NTM: variants seen among roughly 807,000 people sequenced by gnomAD.
The protein encoded by NTM is neurotrimin, also known as IgLON family member 2.
NTM carries 13 observed loss-of-function variants against 42.1 expected under a neutral mutation model. The observed-to-expected ratio is 0.31, with a 90% confidence interval of 0.20 to 0.49. The LOEUF is 0.49. Ranked by LOEUF, NTM falls within the 20% of genes least tolerant of loss-of-function variation. The pLI, the probability that NTM is intolerant of heterozygous loss-of-function variation, is 0.99. For synonymous variants in NTM, 187 were observed against 179.2 expected, an observed-to-expected ratio of 1.04 and a Z score of -0.35; for missense variants, 373 against 452.8, an observed-to-expected ratio of 0.82 and a Z score of 1.60.
At chr11:131,749,899 G>A (rs61901637) in intron 1 of NTM, among the ~76,000 whole-genome samples, 3,633 of 152,250 alleles carry the variant, frequency 0.024, 66 homozygotes, top group Non-Finnish European at 0.035. Flanking sequence ...TTATGTAGAG[G>A]ATACCAGGAC....
intron 1 of NTM, among the ~76,000 whole-genome samples, chr11:131,503,400 A>C (rs1482369503): frequency 6.6e-6 from 1 of 152,148 alleles, no homozygotes; most frequent in Admixed American, 6.5e-5. Context: ...GCAGTAATGT[A>C]AGAAGTGAGG....
chr11:131,569,193 G>C (rs1408682747), intron 1 of NTM, among the ~76,000 whole-genome samples: 4 of 149,396 alleles, frequency 2.7e-5, no homozygotes, highest in Admixed American at 2.7e-4. Context: ...CACCCAGGCT[G>C]GTGTGCAATG....
intron 2 of NTM, among the ~76,000 whole-genome samples, chr11:132,011,709 A>G (rs2072241605): frequency 6.6e-6 from 1 of 152,198 alleles, no homozygotes; most frequent in African/African-American, 2.4e-5. Context: ...CAGCTAAGTG[A>G]GCTGTAGAGC....
At chr11:131,812,793 A>G (rs2092793178) in intron 1 of NTM, among the ~76,000 whole-genome samples, 1 of 152,168 alleles carries the variant, frequency 6.6e-6, no homozygotes, top group Non-Finnish European at 1.5e-5. Context: ...AGATGACTGC[A>G]AGGAAAGAAC....
chr11:131,613,412 A>G (rs1276084760), intron 1 of NTM, among the ~76,000 whole-genome samples: 1 of 152,014 alleles, frequency 6.6e-6, no homozygotes, highest in East Asian at 1.9e-4. Context: ...TTTTTCTTCC[A>G]GCTGGTGCAA....
intron 2 of NTM, among the ~76,000 whole-genome samples, chr11:131,920,669 T>C (rs1456953089): frequency 6.6e-6 from 1 of 152,212 alleles, no homozygotes; most frequent in Non-Finnish European, 1.5e-5. Context: ...TGAAATGTTT[T>C]GGCTTAGAAA....
At chr11:131,697,677 T>G (rs567550158) in intron 1 of NTM, among the ~76,000 whole-genome samples, 1 of 152,360 alleles carries the variant, frequency 6.6e-6, no homozygotes, top group East Asian at 1.9e-4. Context: ...CAAAACTCTA[T>G]ATACTAGGAA....
intron 1 of NTM, among the ~76,000 whole-genome samples, chr11:131,601,671 AT>A (rs1449395696): frequency 6.6e-6 from 1 of 151,972 alleles, no homozygotes; most frequent in Non-Finnish European, 1.5e-5. Context: ...AAACCAATGC[AT>A]TTAATGATAC....
chr11:132,073,996 G>T (rs1057421493), intron 2 of NTM, among the ~76,000 whole-genome samples: 2 of 152,178 alleles, frequency 1.3e-5, no homozygotes, highest in Non-Finnish European at 2.9e-5. Flanking sequence ...TGTGCTAACA[G>T]GCTGCTCTCA....
chr11:131,660,042 C>T (rs536295006), intron 1 of NTM, among the ~76,000 whole-genome samples: 1 of 152,278 alleles, frequency 6.6e-6, no homozygotes, highest in East Asian at 1.9e-4. Context: ...GTAGAATGCT[C>T]AGAGCCTGGC....
At chr11:132,021,275 TGTC>T (rs1333929193) in intron 2 of NTM, among the ~76,000 whole-genome samples, 1 of 152,160 alleles carries the variant, frequency 6.6e-6, no homozygotes, top group Non-Finnish European at 1.5e-5. Context: ...ATTTTTTTGT[TGTC>T]ATATATTCCT....
At chr11:131,956,864 C>T (rs1290897030) in intron 2 of NTM, among the ~76,000 whole-genome samples, 1 of 152,116 alleles carries the variant, frequency 6.6e-6, no homozygotes, top group African/African-American at 2.4e-5. Flanking sequence ...GTGTGCAGGG[C>T]TCAGGACTGG....
At chr11:131,903,811 C>G (rs1356406362) in intron 1 of NTM, among the ~76,000 whole-genome samples, 1 of 152,174 alleles carries the variant, frequency 6.6e-6, no homozygotes, top group Non-Finnish European at 1.5e-5. Context: ...GAATTCCAGA[C>G]CCTGGATCCC....
intron 1 of NTM, among the ~76,000 whole-genome samples, chr11:131,784,670 T>C (rs1264832562): frequency 2.0e-5 from 3 of 152,130 alleles, no homozygotes; most frequent in Non-Finnish European, 4.4e-5. Flanking sequence ...GTGATTACAG[T>C]GGTGGTGACA....
At chr11:131,706,325 C>T (rs2076586273) in intron 1 of NTM, among the ~76,000 whole-genome samples, 1 of 151,782 alleles carries the variant, frequency 6.6e-6, no homozygotes, top group African/African-American at 2.4e-5. Context: ...ATTGGAGCAC[C>T]TAGATACATA....
At chr11:131,391,374 G>GC (rs1007503905) in intron 1 of NTM, among the ~76,000 whole-genome samples, 1 of 151,940 alleles carries the variant, frequency 6.6e-6, no homozygotes, top group Non-Finnish European at 1.5e-5. Flanking sequence ...GGCCCTCCCC[G>GC]CCCCACTCCT....
intron 1 of NTM, among the ~76,000 whole-genome samples, chr11:131,759,519 T>C (rs1329709670): frequency 6.6e-6 from 1 of 152,180 alleles, no homozygotes; most frequent in East Asian, 1.9e-4. Context: ...CTTCCTCCTT[T>C]TTTTTCAACT....
At chr11:131,471,607 T>A (rs1952450487) in intron 1 of NTM, among the ~76,000 whole-genome samples, 1 of 152,166 alleles carries the variant, frequency 6.6e-6, no homozygotes, top group Non-Finnish European at 1.5e-5. Context: ...AGTGTGAGAA[T>A]TCCAGGGGCA....
In NTM at chr11:131,890,156, G is replaced by GTCTCTCTCTGTA. The variant is rs1163179980; in HGVS notation, c.83-21399_83-21398insGTATCTCTCTCT. Among the ~76,000 whole-genome samples the GTCTCTCTCTGTA allele has an allele frequency of 1.3e-3, 69 of 54,998 alleles. 1 individual carries two copies. Among genetic ancestry groups the GTCTCTCTCTGTA allele is most frequent in the African/African-American group, 4.4e-3 (65 of 14,652 alleles). 36.1% of individuals were successfully genotyped at this position (54,998 alleles called of 152,430 possible). On this transcript the variant is annotated intron_variant, in intron 1 of 8. Coordinates refer to ENST00000683400, the MANE Select transcript of NTM (RefSeq NM_001352005.2). ...TCTCTCCCTCTCTCTCTCTCTCTCT[G>GTCTCTCTCTGTA]TCTCTCTCTCTCTCTCTCTCTGTCT...
Sources: allele counts gnomAD v4.1 joint callset (sites outside exome capture counted in the v4.1 genomes callset), GRCh38; gene constraint gnomAD v4.1.1; transcripts MANE v1.5; gene names NCBI Gene and HGNC (gene_info 2026-07-23, HGNC 2026-07-21).